CHSY3: variants seen among roughly 807,000 people sequenced by gnomAD.
The protein encoded by CHSY3 is N-acetylgalactosaminyl-proteoglycan 3-beta-glucuronosyltransferase 3.
Under a neutral mutation model 67.2 loss-of-function variants are expected in CHSY3, and 35 were observed. The ratio of observed to expected loss-of-function variants is 0.52; its 90% CI spans 0.40 to 0.69. The LOEUF (loss-of-function observed/expected upper bound fraction) is 0.69, where lower values mean the gene tolerates loss of function less well. Ranked by LOEUF, CHSY3 falls within the 30% of genes least tolerant of loss-of-function variation. The probability of loss-of-function intolerance (pLI) is 0.00; values close to 1 mark genes in which losing one functional copy is unlikely to be tolerated. For synonymous variants in CHSY3, 474 were observed against 434.7 expected, an observed-to-expected ratio of 1.09 and a Z score of -1.12; for missense variants, 1,069 against 1,138.5, an observed-to-expected ratio of 0.94 and a Z score of 0.88.
intron 2 of CHSY3, among the ~76,000 whole-genome samples, chr5:129,963,266 A>G (rs1346025249): frequency 6.6e-6 from 1 of 151,974 alleles, no homozygotes; most frequent in African/African-American, 2.4e-5. Context: ...TTAGGAAACT[A>G]TTTTCATCTA....
intron 2 of CHSY3, among the ~76,000 whole-genome samples, chr5:129,957,622 C>A (rs1762215154): frequency 1.3e-5 from 2 of 151,974 alleles, no homozygotes; most frequent in Admixed American, 6.6e-5. Context: ...TTTCCTCATA[C>A]TTTGAAGATA....
At chr5:130,021,336 T>C (rs1043708770) in intron 2 of CHSY3, among the ~76,000 whole-genome samples, 7 of 152,212 alleles carry the variant, frequency 4.6e-5, no homozygotes, top group Non-Finnish European at 7.3e-5. Context: ...ATAGTAATAA[T>C]ACCTAACCAG....
intron 2 of CHSY3, among the ~76,000 whole-genome samples, chr5:129,967,693 A>G (rs570633846): frequency 1.3e-5 from 2 of 151,840 alleles, no homozygotes; most frequent in Non-Finnish European, 2.9e-5. Flanking sequence ...GCTATTAATT[A>G]TACAGAAGAC....
At chr5:129,964,504 T>C (rs1762418449) in intron 2 of CHSY3, among the ~76,000 whole-genome samples, 1 of 151,790 alleles carries the variant, frequency 6.6e-6, no homozygotes, top group Non-Finnish European at 1.5e-5. Flanking sequence ...CATTCAGATA[T>C]AGGACTCCAG....
chr5:129,984,809 C>A (rs116106331), intron 2 of CHSY3, among the ~76,000 whole-genome samples: 1 of 152,024 alleles, frequency 6.6e-6, no homozygotes, highest in Non-Finnish European at 1.5e-5. Flanking sequence ...TTGACTGTTA[C>A]GTATATGTCT....
At chr5:130,027,620 C>G (rs10213781) in intron 2 of CHSY3, among the ~76,000 whole-genome samples, 1 of 148,872 alleles carries the variant, frequency 6.7e-6, no homozygotes, top group Non-Finnish European at 1.5e-5. Context: ...TTCCCTCCCC[C>G]CTCCCCCAAC....
intron 2 of CHSY3, among the ~76,000 whole-genome samples, chr5:130,056,478 T>C (rs1765535543): frequency 6.6e-6 from 1 of 152,208 alleles, no homozygotes; most frequent in Non-Finnish European, 1.5e-5. Flanking sequence ...AGAAAAGGAA[T>C]TTCAAAATGA....
At chr5:130,146,379 C>G (rs781238400) in intron 2 of CHSY3, among the ~76,000 whole-genome samples, 2 of 152,072 alleles carry the variant, frequency 1.3e-5, no homozygotes, top group African/African-American at 2.4e-5. Flanking sequence ...TGATCTCACT[C>G]ATACGTGGAA....
intron 2 of CHSY3, among the ~76,000 whole-genome samples, chr5:130,112,113 T>C (rs1580743523): frequency 6.6e-6 from 1 of 152,226 alleles, no homozygotes; most frequent in South Asian, 2.1e-4. Flanking sequence ...TCTGTGTTTT[T>C]GGAAAATCAT....
chr5:130,003,081 A>G (rs1325279308), intron 2 of CHSY3, among the ~76,000 whole-genome samples: 1 of 152,214 alleles, frequency 6.6e-6, no homozygotes, highest in Non-Finnish European at 1.5e-5. Flanking sequence ...CTGTCCTTCA[A>G]CAGCTGCAGA....
intron 2 of CHSY3, among the ~76,000 whole-genome samples, chr5:130,159,466 CA>C (rs1449881676): frequency 5.3e-5 from 8 of 152,200 alleles, no homozygotes; most frequent in African/African-American, 1.9e-4. Flanking sequence ...TACCTGGCCG[CA>C]ATTCTGCATT....
chr5:130,094,714 AAC>A (rs1457182279), intron 2 of CHSY3, among the ~76,000 whole-genome samples: 1 of 152,278 alleles, frequency 6.6e-6, no homozygotes, highest in East Asian at 1.9e-4. Context: ...AGGGGGGTAG[AAC>A]ACAGACAGTA....
At chr5:129,938,719 T>C (rs768837436) in intron 2 of CHSY3, among the ~76,000 whole-genome samples, 5 of 152,202 alleles carry the variant, frequency 3.3e-5, no homozygotes, top group Non-Finnish European at 7.4e-5. Flanking sequence ...TAGTTCCCAA[T>C]GAGTTTCTCA....
chr5:129,904,091 G>A (rs1404384763), upstream of CHSY3, among the ~76,000 whole-genome samples: 1 of 152,098 alleles, frequency 6.6e-6, no homozygotes, highest in Admixed American at 6.5e-5. Flanking sequence ...CTAGGCGCCG[G>A]GAGGAGGCCA....
chr5:130,143,929 A>G (rs777270908), intron 2 of CHSY3, among the ~76,000 whole-genome samples: 2 of 147,348 alleles, frequency 1.4e-5, no homozygotes. Flanking sequence ...ACTGCATATG[A>G]AAGTAAGTAT....
intron 2 of CHSY3, among the ~76,000 whole-genome samples, chr5:130,166,379 A>C (rs1225151837): frequency 1.3e-5 from 2 of 152,136 alleles, no homozygotes; most frequent in Admixed American, 6.6e-5. Context: ...TCATTTTATT[A>C]AACTTACCCT....
chr5:129,907,118 C>T (rs932531474), intron 1 of CHSY3, among the ~76,000 whole-genome samples: 1 of 152,164 alleles, frequency 6.6e-6, no homozygotes, highest in Admixed American at 6.5e-5. Context: ...GGTTTCCTGG[C>T]AGAAGTTTGC....
chr5:130,172,312 TTTCTTTTCTTTTC>T (rs1459626880), intron 2 of CHSY3, among the ~76,000 whole-genome samples: 1 of 16,946 alleles, frequency 5.9e-5, no homozygotes, highest in African/African-American at 4.1e-4. Flanking sequence ...TTTTTTTTCT[TTTCTTTTCTTTTC>T]TTTTTTTTTT....
rs150868170 is a variant in CHSY3 at position 130,030,686 on chromosome 5, A to G, written c.1086+122326A>G. ...TTCCAATATCCATTTTTGGAATACTAGTAAAACTATTATCTGAGACCTAAT... is the reference window on the plus strand; with the variant it reads ...TTCCAATATCCATTTTTGGAATACTGGTAAAACTATTATCTGAGACCTAAT... On this transcript the variant is annotated intron_variant, in intron 2 of 2. Coordinates refer to ENST00000305031, the MANE Select transcript of CHSY3 (RefSeq NM_175856.5). Among the ~76,000 whole-genome samples the G allele has an allele frequency of 4.8e-3, 729 of 152,248 alleles. 6 individuals carry two copies. The highest frequency in any genetic ancestry group is 7.7e-3 in the Non-Finnish European group (523 of 68,000).
Sources: gnomAD v4.1 joint callset for allele counts (sites outside exome capture counted in the v4.1 genomes callset) on GRCh38, gnomAD v4.1.1 for gene constraint, MANE v1.5 for transcripts, NCBI Gene and HGNC (gene_info 2026-07-23, HGNC 2026-07-21) for gene names.